Variants in CD163L1 observed in about 807,000 individuals in gnomAD.
The protein encoded by CD163L1 is scavenger receptor cysteine-rich type 1 protein M160.
CD163L1 carries 124 observed loss-of-function variants against 165.4 expected under a neutral mutation model. The observed-to-expected ratio is 0.75, with a 90% confidence interval of 0.65 to 0.87. The LOEUF is 0.87. CD163L1 is among the 40% of genes least tolerant of loss of function. The pLI, the probability that CD163L1 is intolerant of heterozygous loss-of-function variation, is 0.00. For synonymous variants in CD163L1, 585 were observed against 662.2 expected, an observed-to-expected ratio of 0.88 and a Z score of 1.79; for missense variants, 1,525 against 1,799.9, an observed-to-expected ratio of 0.85 and a Z score of 2.76.
chr12:7,373,664 T>C (rs1361009505), intron 13 of CD163L1, 24 bp from the exon 14 acceptor site: 3 of 1,530,810 alleles, frequency 2.0e-6, no homozygotes, highest in Non-Finnish European at 2.6e-6. Flanking sequence ...CAAAACTTAG[T>C]ATTAAATATT....
chr12:7,419,255 C>T (rs752233263), intron 4 of CD163L1, among the ~76,000 whole-genome samples: 2 of 151,798 alleles, frequency 1.3e-5, no homozygotes, highest in South Asian at 2.1e-4. Context: ...GAATTAAAAG[C>T]GAAAATCACA....
At chr12:7,371,889 AATATAT>A in intron 14 of CD163L1, among the ~76,000 whole-genome samples, 1 of 151,976 alleles carries the variant, frequency 6.6e-6, no homozygotes. Flanking sequence ...ATATATATAA[AATATAT>A]ACACACATAT....
At chr12:7,359,527 A>T (rs1411043230) in intron 18 of CD163L1, among the ~76,000 whole-genome samples, 1 of 152,118 alleles carries the variant, frequency 6.6e-6, no homozygotes, top group Non-Finnish European at 1.5e-5. Flanking sequence ...TCAAAAGTGA[A>T]TGAGAAATAA....
the CD163L1 span, chr12:7,322,378 G>A: frequency 6.2e-7 from 1 of 1,612,030 alleles, no homozygotes; most frequent in Non-Finnish European, 8.5e-7. Flanking sequence ...AAAGCACTCA[G>A]GTTCCTCTTG....
intron 4 of CD163L1, among the ~76,000 whole-genome samples, chr12:7,418,142 G>A (rs960539865): frequency 6.6e-6 from 1 of 151,766 alleles, no homozygotes; most frequent in African/African-American, 2.4e-5. Context: ...GCCACAAAAC[G>A]AGTCTCCACA....
chr12:7,330,490 CT>C, the CD163L1 span, among the ~76,000 whole-genome samples: 1 of 152,136 alleles, frequency 6.6e-6, no homozygotes, highest in African/African-American at 2.4e-5. Flanking sequence ...CAGGGAACCC[CT>C]GCAGGGAACC....
At position 7,369,589 on chromosome 12, in the gene CD163L1, T is replaced by C; in HGVS notation, c.3807A>G (p.Thr1269=). Residue 1269 remains threonine (T), a synonymous_variant, in exon 15 of 20, where the codon ACA becomes ACG. Coordinates refer to ENST00000313599, the MANE Select transcript of CD163L1 (RefSeq NM_174941.6). The surrounding 1 kb of genome is among the most constrained non-coding windows in gnomAD (Gnocchi z 4.9). ...CCAGGTCCCAGGAGTCATCACACACTGTGCCCCAGGAGCCTGCGTGCCAGA... is the reference window on the plus strand; with the variant it reads ...CCAGGTCCCAGGAGTCATCACACACCGTGCCCCAGGAGCCTGCGTGCCAGA... The part of the protein sequence containing the change: ...VEIWHAGSWG[T]VCDDSWDLAE... 1 of 1,614,162 alleles carries C rather than the reference T, an allele frequency of 6.2e-7. No homozygotes were observed.
chr12:7,330,725 A>G, the CD163L1 span, among the ~76,000 whole-genome samples: 2 of 152,358 alleles, frequency 1.3e-5, no homozygotes, highest in Non-Finnish European at 2.9e-5. Flanking sequence ...TGGGTTATAT[A>G]GCAAGATTTG....
rs777392002 is a variant in CD163L1 at position 7,362,440 on chromosome 12, A to G, written c.4279+4796T>C. Among the ~76,000 whole-genome samples, 627 of 138,042 alleles carry G rather than the reference A, an allele frequency of 4.5e-3. 3 individuals carry two copies. The highest frequency in any genetic ancestry group is 0.014 in the Middle Eastern group (3 of 220). The allele number at this position is 138,042 out of a possible 152,430, so 90.6% of individuals were successfully genotyped here. On this transcript the variant is annotated intron_variant, in intron 18 of 19. Coordinates refer to ENST00000313599, the MANE Select transcript of CD163L1 (RefSeq NM_174941.6). ...GTTATTTATATCATATACCATATAT[A>G]ATTATGTGTTATTACATTATTCTAA...
chr12:7,325,526 A>C, the CD163L1 span, among the ~76,000 whole-genome samples: 4 of 152,176 alleles, frequency 2.6e-5, no homozygotes, highest in Non-Finnish European at 2.9e-5. Flanking sequence ...GGGCACCTGT[A>C]ATCTCAGCTA....
At chr12:7,321,509 T>C in the CD163L1 span, among the ~76,000 whole-genome samples, 1 of 152,238 alleles carries the variant, frequency 6.6e-6, no homozygotes, top group Non-Finnish European at 1.5e-5. Flanking sequence ...ATGGATCTTC[T>C]CTTTTCCTAG....
At chr12:7,364,924 A>T (rs762699485) in intron 18 of CD163L1, among the ~76,000 whole-genome samples, 1 of 152,178 alleles carries the variant, frequency 6.6e-6, no homozygotes, top group African/African-American at 2.4e-5. Context: ...AGAGATAACA[A>T]TCATAAATTT....
At chr12:7,441,987 A>G (rs1215050565) in intron 1 of CD163L1, among the ~76,000 whole-genome samples, 3 of 152,166 alleles carry the variant, frequency 2.0e-5, no homozygotes, top group African/African-American at 7.2e-5. Context: ...AGCAATACAC[A>G]AGCGAAGGAG....
rs1228767983 is a variant in CD163L1 at position 7,439,097 on chromosome 12, GCT to G, written c.124+2055_124+2056del. 28 of 1,574,294 alleles carry G rather than the reference GCT, an allele frequency of 1.8e-5. No individual in the cohort carries two copies. In the East Asian group the frequency reaches 4.2e-4, roughly 24 times the overall value. Reference sequence around the variant, plus strand: ...ATGCTCCAGCCCTGTGTCCTGCCCTGCTCTCTCTCTTGCACTTTTAGTGTTTT... The same window carrying G: ...ATGCTCCAGCCCTGTGTCCTGCCCTGCTCTCTCTTGCACTTTTAGTGTTTT... On this transcript the variant is annotated intron_variant, in intron 2 of 19. Coordinates refer to ENST00000313599, the MANE Select transcript of CD163L1 (RefSeq NM_174941.6).
At chr12:7,443,807 CTTCT>C (rs1288350942) in intron 1 of CD163L1, among the ~76,000 whole-genome samples, 3 of 152,112 alleles carry the variant, frequency 2.0e-5, no homozygotes, top group East Asian at 3.9e-4. Flanking sequence ...TAATTTATCC[CTTCT>C]TTCTATTTCC....
At chr12:7,391,421 C>T (rs1947651251) in intron 8 of CD163L1, among the ~76,000 whole-genome samples, 1 of 152,054 alleles carries the variant, frequency 6.6e-6, no homozygotes, top group Non-Finnish European at 1.5e-5. Flanking sequence ...ACAAACTTCT[C>T]CGAGCTAAAG....
chr12:7,321,076 G>A, the CD163L1 span, among the ~76,000 whole-genome samples: 1 of 152,002 alleles, frequency 6.6e-6, no homozygotes, highest in Non-Finnish European at 1.5e-5. Context: ...TCTTCTGGGG[G>A]GCAAAACTGT....
chr12:7,396,385 C>T lies in CD163L1; in HGVS notation c.1760G>A (p.Gly587Asp). The change falls in exon 8 of 20, where the codon GGC becomes GAC. Residue 587 changes from glycine (G) to aspartate (D), a missense_variant. Coordinates refer to ENST00000313599, the MANE Select transcript of CD163L1 (RefSeq NM_174941.6). ...GDATWGLRLV[G>D]GSNRCSGRLE... ...TCTTCCCGAGCAGCGGTTGCTGCCG[C>T]CCACCAGCCTCAGGCCCCATGTTGC... 1 of 1,609,726 alleles carries T rather than the reference C, an allele frequency of 6.2e-7. No individual in the cohort carries two copies. The highest frequency in any genetic ancestry group is 8.5e-7 in the Non-Finnish European group (1 of 1,176,606).
chr12:7,328,894 CATCTGTATATATGTATATAT>C, the CD163L1 span, among the ~76,000 whole-genome samples: 417 of 150,130 alleles, frequency 2.8e-3, 4 homozygotes, highest in Non-Finnish European at 4.7e-3. Flanking sequence ...TGAATGTATA[CATCTGTATATATGTATATAT>C]ATCTGTATAT....
Sources: allele counts gnomAD v4.1 joint callset (sites outside exome capture counted in the v4.1 genomes callset), GRCh38; gene constraint gnomAD v4.1.1; non-coding constraint Gnocchi (gnomAD v3.1); transcripts MANE v1.5; gene names NCBI Gene and HGNC (gene_info 2026-07-23, HGNC 2026-07-21).